Variants in RAPGEF5 observed in about 807,000 individuals in gnomAD.
RAPGEF5 encodes the protein M-Ras-regulated GEF.
A neutral mutation model predicts 125.2 loss-of-function variants in RAPGEF5; 65 were observed. The observed-to-expected ratio is 0.52, with a 90% CI of 0.43 to 0.64. The LOEUF (loss-of-function observed/expected upper bound fraction) is 0.64, where lower values mean the gene tolerates loss of function less well. Among genes scored for constraint, RAPGEF5 ranks in the 30% least tolerant of loss-of-function variants. The probability of loss-of-function intolerance (pLI) is 0.00; values close to 1 mark genes in which losing one functional copy is unlikely to be tolerated. For missense variants in RAPGEF5, 958 were observed against 1,048.1 expected (o/e 0.91, Z 1.19); for synonymous variants, 391 against 385.9 (o/e 1.01, Z -0.16).
At chr7:22,208,990 A>G (rs1785453654) in intron 9 of RAPGEF5, among the ~76,000 whole-genome samples, 1 of 152,200 alleles carries the variant, frequency 6.6e-6, no homozygotes, top group Admixed American at 6.5e-5. Flanking sequence ...GGTTCTTTCC[A>G]GGGTGTGGTG....
intron 16 of RAPGEF5, among the ~76,000 whole-genome samples, chr7:22,156,556 A>G (rs1783814255): frequency 6.6e-6 from 1 of 152,246 alleles, no homozygotes. Context: ...GAATGCAAGG[A>G]GGCTCTAGGC....
chr7:22,278,763 G>A (rs1782612629), intron 6 of RAPGEF5, among the ~76,000 whole-genome samples: 1 of 149,464 alleles, frequency 6.7e-6, no homozygotes, highest in South Asian at 2.2e-4. Flanking sequence ...CCTCTACACA[G>A]AGTACAGAAT....
At chr7:22,316,395 T>G (rs1053024880) in intron 2 of RAPGEF5, among the ~76,000 whole-genome samples, 14 of 138,600 alleles carry the variant, frequency 1.0e-4, no homozygotes, top group African/African-American at 3.8e-4. Context: ...TAAATGTGTA[T>G]CTACTATATA....
At chr7:22,133,610 C>T (rs375820910) in intron 23 of RAPGEF5, among the ~76,000 whole-genome samples, 2 of 152,080 alleles carry the variant, frequency 1.3e-5, no homozygotes, top group African/African-American at 2.4e-5. Flanking sequence ...TTCAGAGACC[C>T]GCACAAATCT....
In RAPGEF5 at chr7:22,237,682, G is replaced by A. The variant is rs900414970; in HGVS notation, c.797-6763C>T. On this transcript the variant is annotated intron_variant, in intron 7 of 25. Coordinates refer to ENST00000665637, the MANE Select transcript of RAPGEF5 (RefSeq NM_012294.5). ...TTGAGACTGAGCTCCCAACTCCTCC[G>A]CTGCAGCACCTAATTAAAGCCTTCT... 9.2e-5 allele frequency among the ~76,000 whole-genome samples: 14 copies of A among 152,012 alleles called. 1 individual carries two copies. Among genetic ancestry groups the A allele is most frequent in the Non-Finnish European group, 1.5e-4 (10 of 68,010 alleles).
intron 25 of RAPGEF5, 101 bp downstream of exon 25, chr7:22,125,503 C>A (rs747091814): frequency 1.9e-5 from 22 of 1,142,536 alleles, no homozygotes; most frequent in Non-Finnish European, 2.8e-5. Context: ...ACATATGATA[C>A]TTTTCAATCT....
chr7:22,154,512 C>A lies in RAPGEF5; in HGVS notation c.1729G>T (p.Glu577Ter). 1 of 1,613,876 alleles carries A rather than the reference C, an allele frequency of 6.2e-7. No individual in the cohort carries two copies. The highest frequency in any genetic ancestry group is 1.1e-5 in the South Asian group (1 of 91,070). Residue 577 changes from glutamate to a stop codon, truncating the protein, a stop_gained, in exon 17 of 26, where the codon GAA (glutamate) becomes TAA (stop). Coordinates refer to ENST00000665637, the MANE Select transcript of RAPGEF5 (RefSeq NM_012294.5). LOFTEE classifies it high-confidence loss of function. ...TCCTCTTCTGCATACTGGATCTTTT[C>A]TGCCACGACTTTTAGGATCTCTTGG... ...IAQEILKVVA[E>*]KIQYAEEDLA... is the part of the protein sequence containing the mutation.
rs778741334 is a variant in RAPGEF5, at chr7:22,315,404, T to A, written c.355A>T (p.Ile119Leu). 12 of 1,540,674 alleles carry A rather than the reference T, an allele frequency of 7.8e-6. No individual in the cohort carries two copies. Among genetic ancestry groups the A allele is most frequent in the Middle Eastern group, 1.7e-4 (1 of 5,952 alleles). Residue 119 changes from isoleucine to leucine, a missense_variant, in exon 3 of 26, where the codon ATA (isoleucine) becomes TTA (leucine). Transcript: ENST00000665637. ...CCCTTGAGGTTCACTCTGTCCTTTA[T>A]CAGGTCAGCTGCTTGAACGATAATA... ...NIIIVQAADL[I>L]KDRVNLKGFY...
At position 22,136,933 on chromosome 7, in the gene RAPGEF5, T is replaced by C; in HGVS notation, c.2328A>G (p.Thr776=). 6.3e-7 allele frequency: 1 copy of C among 1,577,430 alleles called. No individual in the cohort carries two copies. Among genetic ancestry groups the C allele is most frequent in the Non-Finnish European group, 8.7e-7 (1 of 1,153,760 alleles). The change falls in exon 22 of 26, where the codon ACA becomes ACG. Residue 776 remains threonine, a splice_region_variant and synonymous_variant. Coordinates refer to ENST00000665637, the MANE Select transcript of RAPGEF5 (RefSeq NM_012294.5). ...AGTCCCCTTTGGCTCAACTACTTAC[T>C]GTTAAACTTTCAAGTTCAGAGAAAA... The part of the protein sequence containing the change: ...KKLFSELESL[T]DPSLNHKAYR...
At chr7:22,189,742 T>C (rs1308532546) in intron 11 of RAPGEF5, among the ~76,000 whole-genome samples, 6 of 152,312 alleles carry the variant, frequency 3.9e-5, no homozygotes, top group Non-Finnish European at 7.3e-5. Flanking sequence ...ACCAGACTCA[T>C]AGTTTTCCTA....
intron 5 of RAPGEF5, among the ~76,000 whole-genome samples, chr7:22,306,696 T>C (rs1487830300): frequency 6.6e-6 from 1 of 152,240 alleles, no homozygotes; most frequent in East Asian, 1.9e-4. Context: ...GTTTGAGCTC[T>C]AAAAGTCTTT....
intron 21 of RAPGEF5, 91 bp downstream of exon 21, chr7:22,139,934 T>A (rs1583401350): frequency 8.7e-7 from 1 of 1,150,758 alleles, no homozygotes; most frequent in East Asian, 2.6e-5. Context: ...TTTCAAACAT[T>A]TTTAGTTTAG....
intron 1 of RAPGEF5, among the ~76,000 whole-genome samples, chr7:22,332,198 A>G (rs1783935926): frequency 6.6e-6 from 1 of 152,198 alleles, no homozygotes. Context: ...GTTAACTAAA[A>G]ACAAAACTAA....
chr7:22,340,911 G>C (rs1485810956), intron 1 of RAPGEF5, among the ~76,000 whole-genome samples: 2 of 152,200 alleles, frequency 1.3e-5, no homozygotes, highest in African/African-American at 4.8e-5. Context: ...AGAAAGAAGA[G>C]AAAATGGAGC....
intron 24 of RAPGEF5, among the ~76,000 whole-genome samples, chr7:22,130,023 C>G (rs761450172): frequency 6.6e-6 from 1 of 152,184 alleles, no homozygotes; most frequent in African/African-American, 2.4e-5. Context: ...TCTGTGGTCC[C>G]TGCCTCACTT....
chr7:22,253,932 A>T (rs1786685529), intron 7 of RAPGEF5, among the ~76,000 whole-genome samples: 1 of 152,248 alleles, frequency 6.6e-6, no homozygotes, highest in Non-Finnish European at 1.5e-5. Flanking sequence ...AAAAATTTAT[A>T]AGACCATAAA....
intron 9 of RAPGEF5, among the ~76,000 whole-genome samples, chr7:22,212,118 C>T (rs1283752953): frequency 3.3e-5 from 5 of 152,028 alleles, no homozygotes; most frequent in South Asian, 2.1e-4. Context: ...GGACTATAGG[C>T]ACCCGCCAGC....
At chr7:22,263,767 G>GA (rs1316975906) in intron 7 of RAPGEF5, among the ~76,000 whole-genome samples, 2 of 149,880 alleles carry the variant, frequency 1.3e-5, no homozygotes, top group South Asian at 2.1e-4. Flanking sequence ...AAAGAAAAAA[G>GA]AAAAAAATAA....
chr7:22,309,099 C>A (rs1013150632), intron 4 of RAPGEF5, among the ~76,000 whole-genome samples: 4 of 152,112 alleles, frequency 2.6e-5, no homozygotes, highest in African/African-American at 9.7e-5. Flanking sequence ...GGTGGGGAAA[C>A]CCTGTTTTAA....
Sources: allele counts gnomAD v4.1 joint callset (sites outside exome capture counted in the v4.1 genomes callset), GRCh38; gene constraint gnomAD v4.1.1; transcripts MANE v1.5; gene names NCBI Gene and HGNC (gene_info 2026-07-23, HGNC 2026-07-21).